The following ANO10 variants were observed in gnomAD, a reference collection of about 807,000 sequenced individuals.
ANO10 encodes the protein anoctamin 10.
ANO10 carries 77 observed loss-of-function variants against 74.7 expected under a neutral mutation model. The observed-to-expected ratio is 1.03, with a 90% CI of 0.86 to 1.25. ANO10 has a LOEUF of 1.25. Among genes scored for constraint, ANO10 ranks in the 50% most tolerant of loss-of-function variants. ANO10 has a pLI of 0.00. For missense variants in ANO10, 721 were observed against 778.1 expected (o/e 0.93, Z 0.87); for synonymous variants, 279 against 284.9 (o/e 0.98, Z 0.21).
intron 5 of ANO10, among the ~76,000 whole-genome samples, chr3:43,578,749 C>CAAAAAAAAAAA (rs56186109): frequency 1.2e-4 from 8 of 64,438 alleles, no homozygotes; most frequent in African/African-American, 2.9e-4. Context: ...GACTCCATCT[C>CAAAAAAAAAAA]AAAAAAAAAA....
At chr3:43,520,583 T>C (rs1411449964) in intron 11 of ANO10, among the ~76,000 whole-genome samples, 5 of 152,182 alleles carry the variant, frequency 3.3e-5, no homozygotes, top group East Asian at 1.9e-4. Context: ...AATGTGAAGG[T>C]TGATTTCTGG....
intron 11 of ANO10, among the ~76,000 whole-genome samples, chr3:43,512,735 T>G (rs915927676): frequency 4.6e-5 from 7 of 152,054 alleles, no homozygotes; most frequent in African/African-American, 1.7e-4. Context: ...ATTAGAAATA[T>G]CCTAACAGAC....
chr3:43,670,622 T>C (rs1360978951), intron 1 of ANO10, among the ~76,000 whole-genome samples: 1 of 152,186 alleles, frequency 6.6e-6, no homozygotes, highest in African/African-American at 2.4e-5. Context: ...ACAAATTTAT[T>C]TGATAGCTGA....
At chr3:43,459,360 A>G (rs969221505) in intron 11 of ANO10, among the ~76,000 whole-genome samples, 3 of 152,180 alleles carry the variant, frequency 2.0e-5, no homozygotes, top group Admixed American at 6.5e-5. Flanking sequence ...CAAATTGAGC[A>G]TCATCCAATT....
chr3:43,406,764 C>A (rs1331452841), intron 12 of ANO10, among the ~76,000 whole-genome samples: 1 of 152,220 alleles, frequency 6.6e-6, no homozygotes, highest in Non-Finnish European at 1.5e-5. Context: ...CCATTTACGA[C>A]ATTCTAAATT....
intron 11 of ANO10, among the ~76,000 whole-genome samples, chr3:43,461,629 C>T (rs1014412587): frequency 1.3e-5 from 2 of 152,158 alleles, no homozygotes; most frequent in South Asian, 4.2e-4. Context: ...AAGCTCTCTC[C>T]CTTTGCCTGC....
intron 6 of ANO10, among the ~76,000 whole-genome samples, chr3:43,576,211 AT>A (rs113207033): frequency 1.9e-4 from 29 of 150,056 alleles, no homozygotes; most frequent in African/African-American, 4.4e-4. Flanking sequence ...TCATGAAGAC[AT>A]TTTTTTTTTC....
chr3:43,461,513 G>GT (rs1187425379), intron 11 of ANO10, among the ~76,000 whole-genome samples: 1 of 152,236 alleles, frequency 6.6e-6, no homozygotes, highest in Non-Finnish European at 1.5e-5. Context: ...GAGGGACCCA[G>GT]TGGGAGGTAA....
chr3:43,438,257 C>A (rs2093103299), intron 11 of ANO10, among the ~76,000 whole-genome samples: 1 of 151,968 alleles, frequency 6.6e-6, no homozygotes, highest in Non-Finnish European at 1.5e-5. Context: ...CATAGCAAGA[C>A]CTTATCTCTA....
intron 1 of ANO10, among the ~76,000 whole-genome samples, chr3:43,653,193 G>A (rs2083808255): frequency 6.6e-6 from 1 of 151,944 alleles, no homozygotes; most frequent in African/African-American, 2.4e-5. Flanking sequence ...CCTGGTGACA[G>A]AGCAAGACTC....
intron 11 of ANO10, among the ~76,000 whole-genome samples, chr3:43,528,382 A>G (rs2078303866): frequency 6.6e-6 from 1 of 152,148 alleles, no homozygotes; most frequent in East Asian, 1.9e-4. Flanking sequence ...GAATTAAATA[A>G]CCTTAAATAA....
chr3:43,429,218 T>C (rs2092945214), intron 12 of ANO10, among the ~76,000 whole-genome samples: 1 of 152,176 alleles, frequency 6.6e-6, no homozygotes, highest in East Asian at 1.9e-4. Flanking sequence ...GACATACTAA[T>C]AATATGTTGA....
intron 4 of ANO10, among the ~76,000 whole-genome samples, chr3:43,583,722 T>C (rs1270833689): frequency 3.9e-5 from 6 of 152,212 alleles, no homozygotes; most frequent in Non-Finnish European, 7.3e-5. Flanking sequence ...CTTTGCACGA[T>C]GAAGACAGTC....
chr3:43,659,982 C>T (rs1442849983), intron 1 of ANO10, among the ~76,000 whole-genome samples: 4 of 152,226 alleles, frequency 2.6e-5, no homozygotes, highest in Admixed American at 6.5e-5. Context: ...CACAGGACTC[C>T]GACAGACCTG....
intron 12 of ANO10, among the ~76,000 whole-genome samples, chr3:43,419,784 G>C (rs113931799): frequency 0.015 from 2,221 of 152,186 alleles, 59 homozygotes; most frequent in African/African-American, 0.051. Flanking sequence ...CCAAAGTGCT[G>C]GGATGACAGG....
chr3:43,666,862 T>C (rs541422079), intron 1 of ANO10, among the ~76,000 whole-genome samples: 6 of 152,190 alleles, frequency 3.9e-5, no homozygotes, highest in African/African-American at 1.4e-4. Context: ...AATCATCACA[T>C]TGTACACCTT....
intron 2 of ANO10, among the ~76,000 whole-genome samples, chr3:43,603,231 T>TA (rs1254675453): frequency 6.6e-6 from 1 of 152,172 alleles, no homozygotes; most frequent in African/African-American, 2.4e-5. Flanking sequence ...ACATAAAAGA[T>TA]AACCTATCAA....
chr3:43,658,002 A>G (rs1289317479), intron 1 of ANO10, among the ~76,000 whole-genome samples: 1 of 152,228 alleles, frequency 6.6e-6, no homozygotes, highest in Non-Finnish European at 1.5e-5. Context: ...TAAATATTTT[A>G]AAACATTAAA....
At chr3:43,464,275 C>T (rs2075517480) in intron 11 of ANO10, among the ~76,000 whole-genome samples, 1 of 152,154 alleles carries the variant, frequency 6.6e-6, no homozygotes, top group Non-Finnish European at 1.5e-5. Flanking sequence ...GAAAAGAACA[C>T]CACAGACCAA....
Sources: allele counts gnomAD v4.1 joint callset (sites outside exome capture counted in the v4.1 genomes callset), GRCh38; gene constraint gnomAD v4.1.1; transcripts MANE v1.5; gene names NCBI Gene and HGNC (gene_info 2026-07-23, HGNC 2026-07-21).